DIPK2A: variants seen among roughly 807,000 people sequenced by gnomAD.
DIPK2A encodes divergent protein kinase domain 2A.
In DIPK2A, 27 loss-of-function variants were observed where a neutral mutation model predicts 39.0. That is an observed-to-expected ratio of 0.69 (90% CI 0.51 to 0.96). The LOEUF is 0.96. Ranked by LOEUF, DIPK2A falls within the 40% of genes least tolerant of loss-of-function variation. The pLI is 0.00. For synonymous variants in DIPK2A, 298 were observed against 240.8 expected, an observed-to-expected ratio of 1.24 and a Z score of -2.20; for missense variants, 528 against 571.3, an observed-to-expected ratio of 0.92 and a Z score of 0.77.
At chr3:143,982,436 A>T (rs530179323) in intron 1 of DIPK2A, among the ~76,000 whole-genome samples, 1 of 152,260 alleles carries the variant, frequency 6.6e-6, no homozygotes. Context: ...GAGAGTGGGG[A>T]CCAATATTCA....
intron 1 of DIPK2A, chr3:143,978,504 G>A (rs1473646397): frequency 2.6e-5 from 4 of 151,980 alleles, no homozygotes; most frequent in Non-Finnish European, 5.9e-5. Flanking sequence ...TAGGAAACAA[G>A]TAGCTTACTA....
intron 1 of DIPK2A, among the ~76,000 whole-genome samples, chr3:143,976,579 AG>A (rs1372471413): frequency 5.5e-4 from 81 of 148,294 alleles, no homozygotes; most frequent in Middle Eastern, 3.4e-3. Flanking sequence ...AGAGAGAGAG[AG>A]AGAGATGCTG....
chr3:143,973,172 AC>A lies in DIPK2A; in HGVS notation c.657+187del, dbSNP rs1356155957. On this transcript the variant is annotated intron_variant, in intron 1 of 2. Transcript: ENST00000315691. ...GGGCTGTGCAGGGAGGCCGAGGGCG[AC>A]CCCGCTGATGGAGAGTCTGCTCTTG... 10 of 1,041,408 alleles carry A rather than the reference AC, an allele frequency of 9.6e-6. No individual in the cohort carries two copies. The Admixed American group carries it at 1.8e-4, about 19-fold the overall frequency. The allele number at this position is 1,041,408 out of a possible 1,614,324, so 64.5% of individuals were successfully genotyped here.
At chr3:143,980,776 A>G (rs2087817690) in intron 1 of DIPK2A, among the ~76,000 whole-genome samples, 1 of 152,122 alleles carries the variant, frequency 6.6e-6, no homozygotes, top group African/African-American at 2.4e-5. Context: ...GCATGGTAAC[A>G]CATCTCTTGG....
At chr3:143,973,338 G>A (rs2087685798) in intron 1 of DIPK2A, 1 of 1,541,366 alleles carries the variant, frequency 6.5e-7, no homozygotes, top group Non-Finnish European at 8.7e-7. Context: ...TTTATCTGCC[G>A]GGGCTTGCAG....
At chr3:143,975,157 A>G (rs935588506) in intron 1 of DIPK2A, among the ~76,000 whole-genome samples, 41 of 152,224 alleles carry the variant, frequency 2.7e-4, no homozygotes, top group African/African-American at 9.6e-4. Flanking sequence ...CACGTTTTAG[A>G]GTGAGGTTTG....
intron 1 of DIPK2A, chr3:143,978,642 A>ATATATATATATCTATATC (rs2087774843): frequency 2.9e-5 from 1 of 34,520 alleles, no homozygotes; most frequent in Non-Finnish European, 5.4e-5. Context: ...ATATATATCT[A>ATATATATATATCTATATC]TATATATATA....
At chr3:143,975,742 C>T (rs2087719723) in intron 1 of DIPK2A, among the ~76,000 whole-genome samples, 1 of 151,938 alleles carries the variant, frequency 6.6e-6, no homozygotes, top group Non-Finnish European at 1.5e-5. Flanking sequence ...GAGGAACTCA[C>T]TTTTTTCCTC....
intron 2 of DIPK2A, among the ~76,000 whole-genome samples, chr3:143,986,551 C>A (rs548811585): frequency 2.0e-5 from 3 of 151,830 alleles, no homozygotes; most frequent in Admixed American, 2.0e-4. Flanking sequence ...GGTGAAACCC[C>A]GTCTCTACTA....
At chr3:143,973,581 C>A (rs1214300588) in intron 1 of DIPK2A, 3 of 1,520,266 alleles carry the variant, frequency 2.0e-6, no homozygotes, top group Admixed American at 3.9e-5. Flanking sequence ...AATCTGTGAG[C>A]CGAGCTTTGG....
At position 143,972,748 on chromosome 3, in the gene DIPK2A, A is replaced by G. The variant is rs1407275485; in HGVS notation, c.416A>G (p.Gln139Arg). 1.9e-6 allele frequency: 3 copies of G among 1,581,150 alleles called. No homozygotes were observed. The highest frequency in any genetic ancestry group is 1.3e-5 in the African/African-American group (1 of 74,544). The change falls in exon 1 of 3, where the codon CAG becomes CGG. Residue 139 changes from glutamine (Q) to arginine (R), a missense_variant. Transcript: ENST00000315691. ...ATGRPRCDLL[Q>R]AMPRTEFARL... is the part of the protein sequence containing the mutation. ...GGCCGGCCCCGCTGCGACCTGCTGC[A>G]GGCCATGCCCCGGACCGAGTTCGCG...
Position 143,989,868 on chromosome 3 carries a change from C to G in DIPK2A, c.*27C>G, listed in dbSNP as rs1216241755. 5.8e-6 allele frequency: 9 copies of G among 1,557,410 alleles called. No homozygotes were observed. In the East Asian group the frequency reaches 2.0e-4, roughly 35 times the overall value. On this transcript the variant is annotated 3_prime_UTR_variant, in exon 3 of 3. Coordinates refer to ENST00000315691, the MANE Select transcript of DIPK2A (RefSeq NM_173552.5). ...CTATGGTGAACTTTTCTTTTTTTCT[C>G]CATTTAAACAGCACTGGCTAAAACT...
intron 1 of DIPK2A, among the ~76,000 whole-genome samples, chr3:143,983,773 G>T (rs1171351662): frequency 1.3e-5 from 2 of 152,116 alleles, no homozygotes; most frequent in East Asian, 3.9e-4. Context: ...CCAGGAGCTG[G>T]TTTTTTGAAA....
In DIPK2A at chr3:143,978,669, GATATATATATATCTATATAT is replaced by G. The variant is rs2087782101; in HGVS notation, c.657+5693_657+5712del. The G allele has an allele frequency of 4.0e-4, 13 of 32,822 alleles. No homozygotes were observed. The Admixed American group carries it at 4.8e-3, about 12-fold the overall frequency. 2.0% of individuals were successfully genotyped at this position (32,822 alleles called of 1,614,324 possible). ...ATATATATATATATATCTATATATA[GATATATATATATCTATATAT>G]ATATATATATATACTGTCACATGAC... On this transcript the variant is annotated intron_variant, in intron 1 of 2. Transcript: ENST00000315691.
Position 143,992,244 on chromosome 3 carries a change from G to A in DIPK2A, c.*2403G>A, listed in dbSNP as rs2087997762. 3 of 152,570 alleles carry A rather than the reference G, an allele frequency of 2.0e-5. No homozygotes were observed. Among genetic ancestry groups the A allele is most frequent in the Non-Finnish European group, 2.9e-5 (2 of 68,016 alleles). The allele number at this position is 152,570 out of a possible 1,614,324, so 9.5% of individuals were successfully genotyped here. ...TGGGGTTTGTATGTGCATTAAAATT[G>A]TCTTTTGTACTGTAAGTTACTGTTA... On this transcript the variant is annotated 3_prime_UTR_variant, in exon 3 of 3. Coordinates refer to ENST00000315691, the MANE Select transcript of DIPK2A (RefSeq NM_173552.5).
rs563398379 is a variant in DIPK2A at position 143,990,524 on chromosome 3, A to G, written c.*683A>G. ...TTTCACCATTGCATGGTGTCATTTC[A>G]GGTTATTTAACAGTTATATCCCTCT... is the stretch of plus-strand genomic sequence containing the variant. On this transcript the variant is annotated 3_prime_UTR_variant, in exon 3 of 3. Coordinates refer to ENST00000315691, the MANE Select transcript of DIPK2A (RefSeq NM_173552.5). 5.3e-5 allele frequency: 8 copies of G among 151,546 alleles called. No individual in the cohort carries two copies. The South Asian group carries it at 1.7e-3, about 32-fold the overall frequency. The allele number at this position is 151,546 out of a possible 1,614,324, so 9.4% of individuals were successfully genotyped here. A position where few individuals can be genotyped will look rare whatever the true frequency, so the allele number is the denominator to read the frequency against.
intron 1 of DIPK2A, chr3:143,973,394 C>G (rs976927674): frequency 3.4e-5 from 52 of 1,549,258 alleles, no homozygotes; most frequent in Non-Finnish European, 4.4e-5. Flanking sequence ...TTTCCTAGTT[C>G]TTCTGAAGTG....
At chr3:143,986,462 C>T (rs143694824) in intron 2 of DIPK2A, among the ~76,000 whole-genome samples, 5,309 of 152,190 alleles carry the variant, frequency 0.035, 119 homozygotes, top group Non-Finnish European at 0.056. Context: ...CGGTGGCTTA[C>T]GCCTGTAATC....
intron 2 of DIPK2A, chr3:143,986,112 C>A: frequency 2.5e-6 from 1 of 392,758 alleles, no homozygotes; most frequent in Non-Finnish European, 4.6e-6. Flanking sequence ...GTCTTGCCTA[C>A]CTTAGACATA....
Sources: gnomAD v4.1 joint callset for allele counts (sites outside exome capture counted in the v4.1 genomes callset) on GRCh38, gnomAD v4.1.1 for gene constraint, MANE v1.5 for transcripts, NCBI Gene and HGNC (gene_info 2026-07-23, HGNC 2026-07-21) for gene names.